Variants in DHRS7 observed in about 807,000 individuals in gnomAD.
DHRS7 encodes dehydrogenase/reductase 7.
DHRS7 carries 34 observed loss-of-function variants against 38.9 expected under a neutral mutation model. The observed-to-expected ratio is 0.87, with a 90% CI of 0.66 to 1.16. DHRS7 has a LOEUF of 1.16. Among genes scored for constraint, DHRS7 ranks in the 50% most tolerant of loss-of-function variants. The pLI is 0.00. For synonymous variants in DHRS7, 158 were observed against 153.1 expected, an observed-to-expected ratio of 1.03 and a Z score of -0.24; for missense variants, 421 against 407.0, an observed-to-expected ratio of 1.03 and a Z score of -0.30.
In DHRS7 at chr14:60,149,575, A is replaced by G. The variant is rs771887533; in HGVS notation, c.757-7T>C. 29 of 1,580,412 alleles carry G rather than the reference A, an allele frequency of 1.8e-5. No homozygotes were observed. The highest frequency in any genetic ancestry group is 2.3e-5 in the Non-Finnish European group (27 of 1,164,348). On this transcript the variant is annotated splice_polypyrimidine_tract_variant and splice_region_variant and intron_variant, in intron 5 of 6. Transcript: ENST00000557185. ...CTCCATTATTGCCTATAGTCTAAGA[A>G]AAGTTAAAAATTAAGTGAATTTATC...
At chr14:60,150,749 C>T (rs1896526986) in intron 4 of DHRS7, among the ~76,000 whole-genome samples, 3 of 152,118 alleles carry the variant, frequency 2.0e-5, no homozygotes, top group African/African-American at 7.2e-5. Flanking sequence ...CAAGTCTTTG[C>T]TATTGTGAAT....
Position 60,156,086 on chromosome 14 carries a change from G to A in DHRS7, c.200C>T (p.Ala67Val), listed in dbSNP as rs775097513. 1.4e-5 allele frequency: 23 copies of A among 1,604,620 alleles called. No individual in the cohort carries two copies. Among genetic ancestry groups the A allele is most frequent in the Non-Finnish European group, 2.0e-5 (23 of 1,175,532 alleles). ...GASSGIGEEL[A>V]YQLSKLGVSL... ...AACTCCTAGTTTAGACAACTGGTAA[G>A]CCAGCTCCTCACCAATTCCACTCGA... Residue 67 changes from alanine to valine, a missense_variant, in exon 2 of 7, where the codon GCT becomes GTT. Ala to Val is a moderately conservative substitution (Grantham distance 64). Coordinates refer to ENST00000557185, the MANE Select transcript of DHRS7 (RefSeq NM_016029.4).
chr14:60,149,383 C>G lies in DHRS7; in HGVS notation c.942G>C (p.Lys314Asn). ...CACTCTTAAAGTTCTCAATCCTTTT[C>G]TTCCCCATCTTGTTGGTTATCCACC... ...WAWWITNKMGKKRIENFKSGV... is the reference protein window; with the variant it reads ...WAWWITNKMGNKRIENFKSGV... The change falls in exon 6 of 7, where the codon AAG (lysine) becomes AAC (asparagine). Residue 314 changes from lysine to asparagine, a missense_variant. Transcript: ENST00000557185. The G allele has an allele frequency of 2.5e-6, 4 of 1,614,178 alleles. No individual in the cohort carries two copies. Among genetic ancestry groups the G allele is most frequent in the Non-Finnish European group, 3.4e-6 (4 of 1,180,022 alleles).
Position 60,153,919 on chromosome 14 carries a change from A to T in DHRS7, c.393+40T>A, listed in dbSNP as rs1157873168. On this transcript the variant is annotated intron_variant, in intron 3 of 6. Transcript: ENST00000557185. The surrounding 1 kb of genome is among the most constrained non-coding windows in gnomAD (Gnocchi z 4.4). ...ACGGATGGGAATCTCTTCTGCAGTT[A>T]CTTCAAAGCAAGACTATATCAATAT... 6.4e-7 allele frequency: 1 copy of T among 1,557,464 alleles called. No homozygotes were observed. The highest frequency in any genetic ancestry group is 8.9e-7 in the Non-Finnish European group (1 of 1,129,068).
chr14:60,155,184 C>A (rs1282406297), intron 2 of DHRS7, among the ~76,000 whole-genome samples: 6 of 152,092 alleles, frequency 3.9e-5, no homozygotes, highest in Non-Finnish European at 7.4e-5. Flanking sequence ...TGCGGTGGCT[C>A]ACACCTGTAA....
Position 60,165,372 on chromosome 14 carries a change from C to G in DHRS7, c.-63G>C. 6.6e-7 allele frequency: 1 copy of G among 1,523,648 alleles called. No individual in the cohort carries two copies. The highest frequency in any genetic ancestry group is 8.8e-7 in the Non-Finnish European group (1 of 1,139,164). The allele number at this position is 1,523,648 out of a possible 1,614,324, so 94.4% of individuals were successfully genotyped here. ...GCCCGCACCAGAGTCGCGTCGCTGC[C>G]CTGCGGGATCGCAGCGCCACCCCTT... On this transcript the variant is annotated 5_prime_UTR_variant, in exon 1 of 7. Coordinates refer to ENST00000557185, the MANE Select transcript of DHRS7 (RefSeq NM_016029.4). This position sits in a 1 kb window ranked among gnomAD's most constrained non-coding sequence, Gnocchi z 4.6.
intron 5 of DHRS7, 40 bp downstream of exon 5, chr14:60,150,025 C>T (rs769437435): frequency 1.3e-6 from 2 of 1,587,252 alleles, no homozygotes; most frequent in East Asian, 4.5e-5. Flanking sequence ...CAATATATAA[C>T]TAGTAAACAT....
At position 60,161,757 on chromosome 14, in the gene DHRS7, A is replaced by G. The variant is rs1397041771; in HGVS notation, c.133+3420T>C. Among the ~76,000 whole-genome samples, 1 of 152,198 alleles carries G rather than the reference A, an allele frequency of 6.6e-6. No homozygotes were observed. Among genetic ancestry groups the G allele is most frequent in the Non-Finnish European group, 1.5e-5 (1 of 68,034 alleles). On this transcript the variant is annotated intron_variant, in intron 1 of 6. Transcript: ENST00000557185. The surrounding 1 kb of genome is among the most constrained non-coding windows in gnomAD (Gnocchi z 4.2). ...TCACTTCCCTTGTCCCCCAGAAGGT[A>G]GGGTCTATGAGGGCCTGGACTGTGG... is the stretch of plus-strand genomic sequence containing the variant.
At chr14:60,168,047 G>A (rs746442797), upstream of DHRS7, among the ~76,000 whole-genome samples, 8 of 152,140 alleles carry the variant, frequency 5.3e-5, no homozygotes, top group African/African-American at 1.4e-4. Flanking sequence ...AGCTACAAGC[G>A]TTCAGGTCAT....
intron 1 of DHRS7, among the ~76,000 whole-genome samples, chr14:60,164,882 A>C (rs2140618421): frequency 6.6e-6 from 1 of 152,326 alleles, no homozygotes; most frequent in South Asian, 2.1e-4. Flanking sequence ...AGTCCTCAGG[A>C]GCACCGCCGA....
At chr14:60,167,768 TG>T (rs1475804032), upstream of DHRS7, among the ~76,000 whole-genome samples, 1 of 152,200 alleles carries the variant, frequency 6.6e-6, no homozygotes, top group Non-Finnish European at 1.5e-5. Flanking sequence ...TTGTGGTTTT[TG>T]ATTGAGGATG....
chr14:60,144,324 A>G lies in DHRS7; in HGVS notation c.*642T>C, dbSNP rs1896345319. On this transcript the variant is annotated 3_prime_UTR_variant, in exon 7 of 7. Coordinates refer to ENST00000557185, the MANE Select transcript of DHRS7 (RefSeq NM_016029.4). ...AAATATTCTATACATTTATGTTGCT[A>G]TGGTTTGGATGTTTTTGTCCCCTCC... The G allele has an allele frequency of 6.6e-6, 1 of 152,388 alleles. No homozygotes were observed. Among genetic ancestry groups the G allele is most frequent in the Non-Finnish European group, 1.5e-5 (1 of 68,188 alleles). The allele number at this position is 152,388 out of a possible 1,614,324, so 9.4% of individuals were successfully genotyped here.
intron 1 of DHRS7, among the ~76,000 whole-genome samples, chr14:60,160,593 C>A (rs974555414): frequency 7.1e-6 from 1 of 140,712 alleles, no homozygotes; most frequent in Non-Finnish European, 1.5e-5. Context: ...GGCGGGGGGA[C>A]GGGGGGAGGG....
At chr14:60,166,808 C>G (rs559198588), upstream of DHRS7, among the ~76,000 whole-genome samples, 1 of 152,252 alleles carries the variant, frequency 6.6e-6, no homozygotes, top group Admixed American at 6.5e-5. Flanking sequence ...ACTTTAGAAT[C>G]CTTGAAATAA....
rs1425756652 is a variant in DHRS7, at chr14:60,161,109, CCT to C, written c.133+4066_133+4067del. ...CCCAGAATTTTTTGTAAACTCAACT[CCT>C]CTGTTTACAGAGTTTTAGTCACTTT... On this transcript the variant is annotated intron_variant, in intron 1 of 6. Coordinates refer to ENST00000557185, the MANE Select transcript of DHRS7 (RefSeq NM_016029.4). The surrounding 1 kb of genome is among the most constrained non-coding windows in gnomAD (Gnocchi z 4.2). Among the ~76,000 whole-genome samples the C allele has an allele frequency of 1.3e-5, 2 of 152,150 alleles. No homozygotes were observed. Among genetic ancestry groups the C allele is most frequent in the African/African-American group, 2.4e-5 (1 of 41,414 alleles).
At position 60,153,980 on chromosome 14, in the gene DHRS7, A is replaced by G. The variant is rs1257856861; in HGVS notation, c.372T>C (p.Ala124=). ...TTACTCTACCAAACTCCTGGAGAAC[A>G]GCTTTGGTAGCCGCTTCATGGGAAC... ...DTGSHEAATK[A]VLQEFGRIDI... Residue 124 remains alanine (A), a synonymous_variant, in exon 3 of 7, where the codon GCT becomes GCC. Coordinates refer to ENST00000557185, the MANE Select transcript of DHRS7 (RefSeq NM_016029.4). The surrounding 1 kb of genome is among the most constrained non-coding windows in gnomAD (Gnocchi z 4.4). 3 of 1,614,046 alleles carry G rather than the reference A, an allele frequency of 1.9e-6. No individual in the cohort carries two copies. The highest frequency in any genetic ancestry group is 2.2e-5 in the South Asian group (2 of 91,082).
intron 5 of DHRS7, among the ~76,000 whole-genome samples, chr14:60,149,779 G>T (rs1333222144): frequency 2.6e-5 from 4 of 151,638 alleles, no homozygotes; most frequent in Admixed American, 6.6e-5. Context: ...ATAATATAGT[G>T]CAGGCTAACT....
chr14:60,166,329 C>A, upstream of DHRS7: 1 of 955,010 alleles, frequency 1.0e-6, no homozygotes, highest in Non-Finnish European at 1.2e-6. Flanking sequence ...TGTATGAGAA[C>A]GACCTGTGGC....
At chr14:60,159,320 A>G in intron 1 of DHRS7, 1 of 430,358 alleles carries the variant, frequency 2.3e-6, no homozygotes, top group Non-Finnish European at 4.3e-6. Context: ...CAAAAAGCAA[A>G]AGAAAATACA....
Sources: gnomAD v4.1 joint callset for allele counts (sites outside exome capture counted in the v4.1 genomes callset) on GRCh38, gnomAD v4.1.1 for gene constraint, Gnocchi (gnomAD v3.1) non-coding constraint, MANE v1.5 for transcripts, NCBI Gene and HGNC (gene_info 2026-07-23, HGNC 2026-07-21) for gene names.